The following UNC13B variants were observed in gnomAD, a reference collection of about 807,000 sequenced individuals.
The protein encoded by UNC13B is protein unc-13 homolog B.
Under a neutral mutation model 211.0 loss-of-function variants are expected in UNC13B, and 144 were observed. The observed-to-expected ratio is 0.68, with a 90% CI of 0.60 to 0.78. The LOEUF (loss-of-function observed/expected upper bound fraction) is 0.78, where lower values mean the gene tolerates loss of function less well. Among genes scored for constraint, UNC13B ranks in the 30% least tolerant of loss-of-function variants. The probability of loss-of-function intolerance (pLI) is 0.00; values close to 1 mark genes in which losing one functional copy is unlikely to be tolerated. For missense variants in UNC13B, 1,777 were observed against 2,002.0 expected, an observed-to-expected ratio of 0.89 and a Z score of 2.14; for synonymous variants, 709 against 725.8, an observed-to-expected ratio of 0.98 and a Z score of 0.37.
At chr9:35,341,176 A>G (rs1564148135) in intron 11 of UNC13B, among the ~76,000 whole-genome samples, 1 of 152,170 alleles carries the variant, frequency 6.6e-6, no homozygotes, top group Non-Finnish European at 1.5e-5. Context: ...GGATTCTGAA[A>G]CCATCTTTGG....
intron 1 of UNC13B, among the ~76,000 whole-genome samples, chr9:35,168,584 T>C (rs1484977321): frequency 6.6e-6 from 1 of 152,206 alleles, no homozygotes; most frequent in Non-Finnish European, 1.5e-5. Context: ...AGGTAATATT[T>C]TTCTATGCCT....
chr9:35,266,863 G>C (rs1212579953), intron 7 of UNC13B, among the ~76,000 whole-genome samples: 1 of 152,142 alleles, frequency 6.6e-6, no homozygotes, highest in African/African-American at 2.4e-5. Flanking sequence ...GCTGACTTGT[G>C]CCCATTTCTT....
intron 21 of UNC13B, among the ~76,000 whole-genome samples, chr9:35,383,891 T>A (rs996324729): frequency 1.3e-5 from 2 of 152,112 alleles, no homozygotes; most frequent in African/African-American, 4.8e-5. Context: ...GTTTGGAGTT[T>A]CTTCTTATCT....
chr9:35,258,524 C>G (rs1020376823), intron 6 of UNC13B, among the ~76,000 whole-genome samples: 1 of 152,160 alleles, frequency 6.6e-6, no homozygotes, highest in African/African-American at 2.4e-5. Context: ...CTTAGGTAAG[C>G]AGTTCCACTT....
intron 11 of UNC13B, among the ~76,000 whole-genome samples, chr9:35,349,267 C>T (rs532438766): frequency 2.6e-5 from 4 of 151,526 alleles, no homozygotes; most frequent in Middle Eastern, 3.4e-3. Context: ...CCAGCTGCAG[C>T]CCTTGTAAAG....
chr9:35,389,486 GC>G (rs1835388891), intron 24 of UNC13B, among the ~76,000 whole-genome samples: 1 of 152,310 alleles, frequency 6.6e-6, no homozygotes, highest in South Asian at 2.1e-4. Context: ...GCCTGTAGGG[GC>G]CGCATAGAAG....
chr9:35,184,516 C>T (rs375203176), intron 1 of UNC13B, among the ~76,000 whole-genome samples: 5 of 152,126 alleles, frequency 3.3e-5, no homozygotes, highest in South Asian at 2.1e-4. Flanking sequence ...GAGACCAGCC[C>T]GGTCAACAGG....
rs1232169412 is a variant in UNC13B, at chr9:35,403,611, G to T, written c.12737+12G>T. 3.1e-6 allele frequency: 5 copies of T among 1,608,996 alleles called. No individual in the cohort carries two copies. The South Asian group carries it at 4.4e-5, about 14-fold the overall frequency. On this transcript the variant is annotated intron_variant, in intron 39 of 39. Coordinates refer to ENST00000635942, the MANE Select transcript of UNC13B (RefSeq NM_001371189.2). Reference sequence around the variant, plus strand: ...GAGACATTCCACTTGTAAGTTACGGGGGGGACATACAGGACTCTGGGATGG... The same window carrying T: ...GAGACATTCCACTTGTAAGTTACGGTGGGGACATACAGGACTCTGGGATGG...
intron 1 of UNC13B, among the ~76,000 whole-genome samples, chr9:35,212,620 T>C (rs772975455): frequency 2.0e-5 from 3 of 152,058 alleles, no homozygotes; most frequent in Non-Finnish European, 4.4e-5. Flanking sequence ...TATGAAAGCA[T>C]GAAAGGCAGA....
chr9:35,351,610 G>T, intron 11 of UNC13B: 1 of 1,232,252 alleles, frequency 8.1e-7, no homozygotes, highest in South Asian at 4.1e-5. Flanking sequence ...ATAAGGCTAA[G>T]GCAGAGACCA....
At chr9:35,186,355 G>C (rs1314649712) in intron 1 of UNC13B, among the ~76,000 whole-genome samples, 1 of 152,106 alleles carries the variant, frequency 6.6e-6, no homozygotes, top group Non-Finnish European at 1.5e-5. Flanking sequence ...CTTCAGGCAG[G>C]GCTTAACTTC....
At chr9:35,237,057 T>C (rs1354549715) in intron 4 of UNC13B, among the ~76,000 whole-genome samples, 1 of 152,180 alleles carries the variant, frequency 6.6e-6, no homozygotes, top group Non-Finnish European at 1.5e-5. Context: ...TTTAAGGAAC[T>C]ACCAGGCTTG....
At chr9:35,338,014 A>G (rs1366006694) in intron 11 of UNC13B, among the ~76,000 whole-genome samples, 3 of 152,190 alleles carry the variant, frequency 2.0e-5, no homozygotes, top group African/African-American at 7.2e-5. Context: ...GGCAGGGCCA[A>G]TGCACTCTGT....
At chr9:35,202,662 G>T (rs970312978) in intron 1 of UNC13B, among the ~76,000 whole-genome samples, 2 of 152,042 alleles carry the variant, frequency 1.3e-5, no homozygotes, top group African/African-American at 4.8e-5. Context: ...TCAGAGACTA[G>T]GATTGCAACC....
chr9:35,260,107 G>A (rs1419283156), intron 7 of UNC13B, among the ~76,000 whole-genome samples: 1 of 151,466 alleles, frequency 6.6e-6, no homozygotes, highest in Non-Finnish European at 1.5e-5. Context: ...ATACTTGGGA[G>A]GCTGAGGTGG....
At chr9:35,360,404 A>G (rs1178536084) in intron 11 of UNC13B, 3 of 152,262 alleles carry the variant, frequency 2.0e-5, no homozygotes, top group Admixed American at 2.0e-4. Context: ...TGGAGGTAAT[A>G]ATGGTATTTA....
At chr9:35,181,590 A>G (rs888199988) in intron 1 of UNC13B, among the ~76,000 whole-genome samples, 1 of 152,182 alleles carries the variant, frequency 6.6e-6, no homozygotes, top group Non-Finnish European at 1.5e-5. Context: ...TAATACCGGC[A>G]CTTTGGGAGG....
At chr9:35,340,230 C>G (rs1405829022) in intron 11 of UNC13B, among the ~76,000 whole-genome samples, 2 of 152,106 alleles carry the variant, frequency 1.3e-5, no homozygotes, top group African/African-American at 4.8e-5. Context: ...CTAGCCAGCT[C>G]CCAACTAGGT....
chr9:35,258,456 G>A (rs1169164210), intron 6 of UNC13B, among the ~76,000 whole-genome samples: 1 of 152,170 alleles, frequency 6.6e-6, no homozygotes, highest in Non-Finnish European at 1.5e-5. Flanking sequence ...TGGGATGGCG[G>A]AGGTTACAGT....
Sources: gnomAD v4.1 joint callset for allele counts (sites outside exome capture counted in the v4.1 genomes callset) on GRCh38, gnomAD v4.1.1 for gene constraint, MANE v1.5 for transcripts, NCBI Gene and HGNC (gene_info 2026-07-23, HGNC 2026-07-21) for gene names.